The following MYRIP variants were observed in gnomAD, a reference collection of about 807,000 sequenced individuals.
MYRIP encodes rab effector MyRIP.
In MYRIP, 49 loss-of-function variants were observed where a neutral mutation model predicts 98.0. The ratio of observed to expected loss-of-function variants is 0.50; its 90% CI spans 0.40 to 0.63. The LOEUF is 0.63. MYRIP is among the 30% of genes least tolerant of loss of function. The probability of loss-of-function intolerance (pLI) is 0.00; values close to 1 mark genes in which losing one functional copy is unlikely to be tolerated. For missense variants in MYRIP, 1,004 were observed against 1,058.2 expected (o/e 0.95, Z 0.71); for synonymous variants, 404 against 409.5 (o/e 0.99, Z 0.16).
At chr3:39,887,141 C>T (rs545038107) in intron 1 of MYRIP, among the ~76,000 whole-genome samples, 92 of 151,582 alleles carry the variant, frequency 6.1e-4, no homozygotes, top group Non-Finnish European at 9.4e-4. Context: ...TTGAAACCAA[C>T]GAGAACAAAG....
intron 13 of MYRIP, among the ~76,000 whole-genome samples, chr3:40,247,686 G>A (rs1175667623): frequency 6.6e-6 from 1 of 152,120 alleles, no homozygotes; most frequent in Non-Finnish European, 1.5e-5. Flanking sequence ...ACCACGTCCA[G>A]CTAATTTTTG....
chr3:39,925,808 T>C (rs910270097), intron 2 of MYRIP, among the ~76,000 whole-genome samples: 2 of 152,122 alleles, frequency 1.3e-5, no homozygotes, highest in Non-Finnish European at 2.9e-5. Context: ...GCATATGTCT[T>C]TTTTGCAGAA....
chr3:39,860,702 C>T (rs565690580), intron 1 of MYRIP, among the ~76,000 whole-genome samples: 1 of 152,290 alleles, frequency 6.6e-6, no homozygotes, highest in South Asian at 2.1e-4. Flanking sequence ...CACTAGCCCA[C>T]CTACTCCCTG....
At chr3:40,131,002 G>A (rs907111515) in intron 3 of MYRIP, among the ~76,000 whole-genome samples, 1 of 152,056 alleles carries the variant, frequency 6.6e-6, no homozygotes, top group Non-Finnish European at 1.5e-5. Flanking sequence ...ACTAGACTTG[G>A]CACTGCAAAA....
chr3:40,155,087 C>A (rs1950196977), intron 4 of MYRIP, among the ~76,000 whole-genome samples: 1 of 151,632 alleles, frequency 6.6e-6, no homozygotes, highest in South Asian at 2.1e-4. Context: ...GTGCGCTGCA[C>A]CCACTAACTC....
chr3:40,191,377 C>T (rs1951205206), intron 10 of MYRIP, among the ~76,000 whole-genome samples: 2 of 152,226 alleles, frequency 1.3e-5, no homozygotes, highest in Non-Finnish European at 2.9e-5. Flanking sequence ...GCCCCCACCT[C>T]TTCTGGTGAA....
At chr3:39,997,016 T>C (rs988313191) in intron 2 of MYRIP, among the ~76,000 whole-genome samples, 100 of 152,286 alleles carry the variant, frequency 6.6e-4, no homozygotes, top group Non-Finnish European at 1.2e-3. Flanking sequence ...CCAGAATCTC[T>C]GGGACACATT....
intron 1 of MYRIP, among the ~76,000 whole-genome samples, chr3:39,828,336 T>C (rs571295029): frequency 4.6e-5 from 7 of 152,124 alleles, no homozygotes; most frequent in African/African-American, 1.2e-4. Flanking sequence ...AACTTATCTT[T>C]AAGTTCAGAA....
intron 11 of MYRIP, among the ~76,000 whole-genome samples, chr3:40,231,738 T>C (rs1952665745): frequency 1.3e-5 from 2 of 152,230 alleles, no homozygotes; most frequent in Admixed American, 6.5e-5. Flanking sequence ...TGTAAATTTT[T>C]ACTTTCCCTT....
At chr3:40,168,588 C>T (rs1575592060) in intron 7 of MYRIP, among the ~76,000 whole-genome samples, 1 of 152,250 alleles carries the variant, frequency 6.6e-6, no homozygotes, top group Admixed American at 6.5e-5. Flanking sequence ...ATTGCTCACA[C>T]ATCTGCAGTA....
At chr3:40,143,516 T>G (rs904509471) in intron 3 of MYRIP, among the ~76,000 whole-genome samples, 7 of 152,188 alleles carry the variant, frequency 4.6e-5, no homozygotes, top group African/African-American at 1.7e-4. Context: ...TAATATCAAA[T>G]GAGGATAATC....
In MYRIP at chr3:39,907,204, T is replaced by G. The variant is rs565112118; in HGVS notation, c.110+6278T>G. Among the ~76,000 whole-genome samples, 4 of 152,346 alleles carry G rather than the reference T, an allele frequency of 2.6e-5. No individual in the cohort carries two copies. In the East Asian group the frequency reaches 7.7e-4, roughly 29 times the overall value. ...TCTGTGTATCTGGCAGACAAAATTTTAAGAACTTTTTCTTCACATCTACAG... is the reference window on the plus strand; with the variant it reads ...TCTGTGTATCTGGCAGACAAAATTTGAAGAACTTTTTCTTCACATCTACAG... On this transcript the variant is annotated intron_variant, in intron 2 of 16. Transcript: ENST00000302541.
At chr3:40,060,574 ATTTTCTTTTT>A (rs1218224388) in intron 3 of MYRIP, among the ~76,000 whole-genome samples, 1 of 142,156 alleles carries the variant, frequency 7.0e-6, no homozygotes, top group African/African-American at 2.6e-5. Flanking sequence ...TGGGTATTAG[ATTTTCTTTTT>A]TTTTCTTTTT....
At chr3:40,154,512 A>G (rs982167213) in intron 4 of MYRIP, among the ~76,000 whole-genome samples, 2 of 152,210 alleles carry the variant, frequency 1.3e-5, no homozygotes, top group Admixed American at 6.5e-5. Flanking sequence ...GAGTGCTCAC[A>G]TGGCTTCTCT....
intron 2 of MYRIP, among the ~76,000 whole-genome samples, chr3:39,937,065 C>G (rs377036260): frequency 4.6e-5 from 7 of 152,278 alleles, no homozygotes; most frequent in African/African-American, 1.4e-4. Context: ...GATCTGCCTA[C>G]CCACCCCCAT....
intron 1 of MYRIP, among the ~76,000 whole-genome samples, chr3:39,842,756 C>CA (rs879741377): frequency 1.6e-4 from 24 of 151,804 alleles, no homozygotes; most frequent in Non-Finnish European, 2.4e-4. Flanking sequence ...GGTGATTACC[C>CA]CCCCTGCTTC....
intron 8 of MYRIP, among the ~76,000 whole-genome samples, chr3:40,172,944 A>G (rs1025001713): frequency 3.3e-5 from 5 of 151,752 alleles, no homozygotes; most frequent in South Asian, 2.1e-4. Flanking sequence ...CACTAAAGAG[A>G]CCTCACCCCC....
At position 40,259,923 on chromosome 3, in the gene MYRIP, A is replaced by C. The variant is rs1953713681; in HGVS notation, c.*1757A>C. ...TTGTGTTACAGTGTTAAAAATATTC[A>C]GTTTTCTTTGACAAAAATGTGTACT... On this transcript the variant is annotated 3_prime_UTR_variant, in exon 17 of 17. Transcript: ENST00000302541. 1 of 152,670 alleles carries C rather than the reference A, an allele frequency of 6.6e-6. No individual in the cohort carries two copies. The highest frequency in any genetic ancestry group is 6.5e-5 in the Admixed American group (1 of 15,282). 9.5% of individuals were successfully genotyped at this position (152,670 alleles called of 1,614,324 possible).
intron 3 of MYRIP, among the ~76,000 whole-genome samples, chr3:40,128,050 G>A (rs1385039569): frequency 6.6e-6 from 1 of 152,170 alleles, no homozygotes; most frequent in Non-Finnish European, 1.5e-5. Flanking sequence ...GCTGTTGAGT[G>A]TGTTATCAGT....
Sources: gnomAD v4.1 joint callset for allele counts (sites outside exome capture counted in the v4.1 genomes callset) on GRCh38, gnomAD v4.1.1 for gene constraint, MANE v1.5 for transcripts, NCBI Gene and HGNC (gene_info 2026-07-23, HGNC 2026-07-21) for gene names.